CMTM4: variants seen among roughly 807,000 people sequenced by gnomAD.
CMTM4 encodes CKLF-like MARVEL transmembrane domain-containing protein 4.
In CMTM4, 8 loss-of-function variants were observed where a neutral mutation model predicts 19.0. That is an observed-to-expected ratio of 0.42 (90% CI 0.25 to 0.76). The LOEUF (loss-of-function observed/expected upper bound fraction) is 0.76. Among genes scored for constraint, CMTM4 ranks in the 30% least tolerant of loss-of-function variants. The pLI is 0.27. For synonymous variants in CMTM4, 106 were observed against 121.1 expected, an observed-to-expected ratio of 0.88 and a Z score of 0.82; for missense variants, 228 against 290.2, an observed-to-expected ratio of 0.79 and a Z score of 1.56.
intron 1 of CMTM4, among the ~76,000 whole-genome samples, chr16:66,668,459 C>G (rs1474390848): frequency 6.6e-6 from 1 of 152,028 alleles, no homozygotes; most frequent in African/African-American, 2.4e-5. Context: ...TTTGCTTTTT[C>G]TTTACTATTC....
intron 1 of CMTM4, among the ~76,000 whole-genome samples, chr16:66,675,481 G>T (rs1028809813): frequency 4.2e-5 from 6 of 142,068 alleles, no homozygotes; most frequent in Non-Finnish European, 9.0e-5. Flanking sequence ...AAAAAAACCT[G>T]CAGGCCACCT....
In CMTM4 at chr16:66,621,572, G is replaced by A; in HGVS notation, c.*486C>T. 2.0e-6 allele frequency: 2 copies of A among 988,888 alleles called. No individual in the cohort carries two copies. Among genetic ancestry groups the A allele is most frequent in the Non-Finnish European group, 1.2e-6 (1 of 831,680 alleles). 61.3% of individuals were successfully genotyped at this position (988,888 alleles called of 1,614,324 possible). A position where few individuals can be genotyped will look rare whatever the true frequency, so the allele number is the denominator to read the frequency against. On this transcript the variant is annotated 3_prime_UTR_variant, in exon 4 of 4. Coordinates refer to ENST00000394106, the MANE Select transcript of CMTM4 (RefSeq NM_181521.3). Reference sequence around the variant, plus strand: ...TTTGGGCTGGTGCTGGCTGCCTGGGGGCCCTGGCATGGAAGATGAGGAGTG... The same window carrying A: ...TTTGGGCTGGTGCTGGCTGCCTGGGAGCCCTGGCATGGAAGATGAGGAGTG...
intron 1 of CMTM4, among the ~76,000 whole-genome samples, chr16:66,646,493 GTAA>G (rs1274222766): frequency 6.6e-6 from 1 of 151,948 alleles, no homozygotes; most frequent in African/African-American, 2.4e-5. Context: ...AATATTGATA[GTAA>G]ACCCATCTAT....
Position 66,617,984 on chromosome 16 carries a change from A to G in CMTM4, c.*4074T>C. On this transcript the variant is annotated 3_prime_UTR_variant, in exon 4 of 4. Transcript: ENST00000394106. ...GAGCTGTCTAGTGCTGATAGCAGAC[A>G]GGTGGGGTGTTCCAGGCCACTGCTT... 2 of 985,768 alleles carry G rather than the reference A, an allele frequency of 2.0e-6. No individual in the cohort carries two copies. Among genetic ancestry groups the G allele is most frequent in the East Asian group, 1.1e-4 (1 of 8,818 alleles). The allele number at this position is 985,768 out of a possible 1,614,324, so 61.1% of individuals were successfully genotyped here. A position where few individuals can be genotyped will look rare whatever the true frequency, so the allele number is the denominator to read the frequency against.
chr16:66,678,238 G>A (rs1317897566), intron 1 of CMTM4, among the ~76,000 whole-genome samples: 3 of 152,242 alleles, frequency 2.0e-5, no homozygotes, highest in Non-Finnish European at 4.4e-5. Flanking sequence ...AAAATCCAGA[G>A]AGGAGAGCAC....
chr16:66,621,154 G>T lies in CMTM4; in HGVS notation c.*904C>A. On this transcript the variant is annotated 3_prime_UTR_variant, in exon 4 of 4. Coordinates refer to ENST00000394106, the MANE Select transcript of CMTM4 (RefSeq NM_181521.3). ...ATCCCTAAAATAGAGGGGTGTGTGTGTGCATGTGTGCGCGCACGCGTGTGC... is the reference window on the plus strand; with the variant it reads ...ATCCCTAAAATAGAGGGGTGTGTGTTTGCATGTGTGCGCGCACGCGTGTGC... The T allele has an allele frequency of 1.0e-6, 1 of 985,762 alleles. No individual in the cohort carries two copies. Among genetic ancestry groups the T allele is most frequent in the South Asian group, 4.7e-5 (1 of 21,286 alleles). 61.1% of individuals were successfully genotyped at this position (985,762 alleles called of 1,614,324 possible). A position where few individuals can be genotyped will look rare whatever the true frequency, so the allele number is the denominator to read the frequency against.
chr16:66,694,731 A>AC (rs2017201019), intron 1 of CMTM4, among the ~76,000 whole-genome samples: 1 of 151,456 alleles, frequency 6.6e-6, no homozygotes. Context: ...AAAAAAAAAA[A>AC]AAAGGCAATT....
At chr16:66,669,458 CAT>C (rs1255170644) in intron 1 of CMTM4, among the ~76,000 whole-genome samples, 2 of 145,522 alleles carry the variant, frequency 1.4e-5, no homozygotes, top group African/African-American at 2.5e-5. Flanking sequence ...CAATTTACTA[CAT>C]GTTAATTAAA....
At chr16:66,645,705 G>A (rs545759413) in intron 1 of CMTM4, among the ~76,000 whole-genome samples, 2 of 150,684 alleles carry the variant, frequency 1.3e-5, no homozygotes, top group African/African-American at 4.9e-5. Context: ...CAGGCCGGCT[G>A]TGGTGGCTCA....
the CMTM4 span, among the ~76,000 whole-genome samples, chr16:66,599,298 C>T: frequency 6.6e-5 from 10 of 151,838 alleles, no homozygotes; most frequent in Non-Finnish European, 1.0e-4. Context: ...AAAAACAAAA[C>T]AAAACAAAAA....
chr16:66,638,239 C>T (rs1054385832), intron 1 of CMTM4, among the ~76,000 whole-genome samples: 1 of 152,282 alleles, frequency 6.6e-6, no homozygotes, highest in East Asian at 1.9e-4. Flanking sequence ...CCATCTACCC[C>T]CAAGGCACCA....
At chr16:66,670,435 G>GT (rs1329933572) in intron 1 of CMTM4, among the ~76,000 whole-genome samples, 2 of 83,432 alleles carry the variant, frequency 2.4e-5, no homozygotes, top group Middle Eastern at 8.2e-3. Flanking sequence ...GCAAGACTCT[G>GT]TCTCAAAAAA....
chr16:66,609,952 T>C (rs1168722367), downstream of CMTM4: 4 of 1,614,126 alleles, frequency 2.5e-6, no homozygotes, highest in South Asian at 4.4e-5. This position sits in a 1 kb window ranked among gnomAD's most constrained non-coding sequence, Gnocchi z 4.4. Flanking sequence ...CGTGGCCAAA[T>C]TCCTCAAACA....
At position 66,620,696 on chromosome 16, in the gene CMTM4, A is replaced by C. The variant is rs928881021; in HGVS notation, c.*1362T>G. The C allele has an allele frequency of 1.3e-5, 13 of 985,714 alleles. No individual in the cohort carries two copies. Among genetic ancestry groups the C allele is most frequent in the Non-Finnish European group, 1.4e-5 (12 of 829,940 alleles). The allele number at this position is 985,714 out of a possible 1,614,324, so 61.1% of individuals were successfully genotyped here. A position where few individuals can be genotyped will look rare whatever the true frequency, so the allele number is the denominator to read the frequency against. On this transcript the variant is annotated 3_prime_UTR_variant, in exon 4 of 4. Coordinates refer to ENST00000394106, the MANE Select transcript of CMTM4 (RefSeq NM_181521.3). ...ACTGCAAAATCTTCCTGCCACAGTA[A>C]GTGCTTTTTGGTGAGGGCTAAACAC...
At chr16:66,661,899 C>T (rs1596942885) in intron 1 of CMTM4, among the ~76,000 whole-genome samples, 1 of 152,216 alleles carries the variant, frequency 6.6e-6, no homozygotes, top group Non-Finnish European at 1.5e-5. Context: ...CACCACTGCA[C>T]TCCAGCCTGG....
chr16:66,644,288 C>T (rs1188506050), intron 1 of CMTM4, among the ~76,000 whole-genome samples: 7 of 152,098 alleles, frequency 4.6e-5, no homozygotes, highest in African/African-American at 1.7e-4. Flanking sequence ...ACATATTGAC[C>T]GTATAATGAC....
chr16:66,680,773 CAAAAA>C (rs35127974), intron 1 of CMTM4, among the ~76,000 whole-genome samples: 1 of 32,286 alleles, frequency 3.1e-5, no homozygotes, highest in Non-Finnish European at 5.6e-5. Flanking sequence ...GACTCCGTCT[CAAAAA>C]AAAAAAAAAA....
At chr16:66,601,107 CTGTG>C in the CMTM4 span, among the ~76,000 whole-genome samples, 1,907 of 142,982 alleles carry the variant, frequency 0.013, 21 homozygotes, top group African/African-American at 0.029. Context: ...GTGTGTGTGT[CTGTG>C]TGTGTGTGTG....
intron 1 of CMTM4, among the ~76,000 whole-genome samples, chr16:66,679,885 G>A (rs544429330): frequency 6.7e-5 from 10 of 149,498 alleles, no homozygotes; most frequent in East Asian, 3.9e-4. Flanking sequence ...CTCACAATCC[G>A]CCTAATGGTT....
Sources: allele counts gnomAD v4.1 joint callset (sites outside exome capture counted in the v4.1 genomes callset), GRCh38; gene constraint gnomAD v4.1.1; non-coding constraint Gnocchi (gnomAD v3.1); transcripts MANE v1.5; gene names NCBI Gene and HGNC (gene_info 2026-07-23, HGNC 2026-07-21).